Variants in MSRA observed in about 807,000 individuals in gnomAD.
The protein encoded by MSRA is methionine sulfoxide reductase A.
In MSRA, 54 loss-of-function variants were observed where a neutral mutation model predicts 31.3. The ratio of observed to expected loss-of-function variants is 1.73; its 90% CI spans 1.39 to 2.17. MSRA has a LOEUF of 2.17. Ranked by LOEUF, MSRA falls within the 30% of genes most tolerant of loss-of-function variation. The pLI, the probability that MSRA is intolerant of heterozygous loss-of-function variation, is 0.00. For synonymous variants in MSRA, 169 were observed against 116.5 expected (o/e 1.45, Z -2.90); for missense variants, 507 against 300.9 (o/e 1.69, Z -5.07).
At chr8:10,084,458 G>A (rs74901580) in intron 1 of MSRA, among the ~76,000 whole-genome samples, 150 of 152,324 alleles carry the variant, frequency 9.8e-4, no homozygotes, top group African/African-American at 3.4e-3. Flanking sequence ...TCTTAACCAT[G>A]TAAACCTTCG....
chr8:10,061,289 T>C (rs1357433903), intron 1 of MSRA, among the ~76,000 whole-genome samples: 1 of 152,204 alleles, frequency 6.6e-6, no homozygotes, highest in African/African-American at 2.4e-5. Flanking sequence ...TAGTCATTCA[T>C]TAAATGTCTA....
chr8:10,144,469 C>T lies in MSRA; in HGVS notation c.143-63364C>T, dbSNP rs190462261. On this transcript the variant is annotated intron_variant, in intron 1 of 5. Coordinates refer to ENST00000317173, the MANE Select transcript of MSRA (RefSeq NM_012331.5). ...GAAGCGCTTAGACTGGTGACTGGCA[C>T]GCCATCAGTGTTGTATAGGTGTTTG... 4.4e-3 allele frequency among the ~76,000 whole-genome samples: 674 copies of T among 152,268 alleles called. 3 individuals carry two copies. The highest frequency in any genetic ancestry group is 7.2e-3 in the Non-Finnish European group (493 of 68,024).
chr8:10,249,356 G>T (rs1034557563), intron 3 of MSRA, among the ~76,000 whole-genome samples: 4 of 152,104 alleles, frequency 2.6e-5, no homozygotes, highest in Non-Finnish European at 5.9e-5. Context: ...TTAACCTCGG[G>T]CTGAGTTATA....
intron 3 of MSRA, among the ~76,000 whole-genome samples, chr8:10,294,143 G>A (rs1379264459): frequency 1.3e-5 from 2 of 152,210 alleles, no homozygotes; most frequent in Non-Finnish European, 2.9e-5. Context: ...GGAGGTTCCA[G>A]TGAACCGAGA....
intron 5 of MSRA, among the ~76,000 whole-genome samples, chr8:10,397,043 T>C (rs1807139859): frequency 6.6e-6 from 1 of 152,234 alleles, no homozygotes; most frequent in South Asian, 2.1e-4. Context: ...TCTAGACAGC[T>C]TAGAGCAGAG....
chr8:10,348,255 A>G (rs1021530472), intron 5 of MSRA, among the ~76,000 whole-genome samples: 2 of 151,148 alleles, frequency 1.3e-5, no homozygotes, highest in Non-Finnish European at 2.9e-5. Flanking sequence ...TTGTATTTGA[A>G]TCCGTGCTAG....
intron 1 of MSRA, among the ~76,000 whole-genome samples, chr8:10,129,986 A>C (rs980817831): frequency 6.6e-6 from 1 of 152,306 alleles, no homozygotes; most frequent in East Asian, 1.9e-4. Context: ...TTGTATGTGC[A>C]CCTATCCCCA....
chr8:10,293,631 C>T (rs55743011), intron 3 of MSRA, among the ~76,000 whole-genome samples: 42,229 of 152,094 alleles, frequency 0.28, 6,347 homozygotes, highest in African/African-American at 0.36. Flanking sequence ...AAGAAAGGTC[C>T]GACGTGTCTC....
chr8:10,260,257 T>C (rs991755409), intron 3 of MSRA, among the ~76,000 whole-genome samples: 27 of 152,144 alleles, frequency 1.8e-4, no homozygotes, highest in African/African-American at 6.0e-4. Context: ...GGTTGAGGGA[T>C]CTCACATGAC....
chr8:10,232,222 G>A (rs1217314832), intron 2 of MSRA, among the ~76,000 whole-genome samples: 2 of 152,288 alleles, frequency 1.3e-5, no homozygotes, highest in Non-Finnish European at 2.9e-5. Context: ...AGGAACATGC[G>A]GTAACTGCAC....
intron 3 of MSRA, among the ~76,000 whole-genome samples, chr8:10,293,619 C>G (rs989209288): frequency 6.6e-6 from 1 of 152,202 alleles, no homozygotes; most frequent in African/African-American, 2.4e-5. Flanking sequence ...ATCTGGACAG[C>G]GAAGAAAGGT....
At chr8:10,268,560 C>T (rs916171225) in intron 3 of MSRA, among the ~76,000 whole-genome samples, 6 of 152,240 alleles carry the variant, frequency 3.9e-5, no homozygotes, top group African/African-American at 9.6e-5. Context: ...TCTAGACTAG[C>T]GCCTAGCACA....
chr8:10,344,775 T>C (rs1192351810), intron 5 of MSRA, among the ~76,000 whole-genome samples: 1 of 152,008 alleles, frequency 6.6e-6, no homozygotes, highest in Non-Finnish European at 1.5e-5. Flanking sequence ...CTGTGTGAGG[T>C]GGTGTACAAG....
intron 1 of MSRA, among the ~76,000 whole-genome samples, chr8:10,122,586 T>C (rs1249044911): frequency 1.3e-5 from 2 of 152,120 alleles, no homozygotes; most frequent in Admixed American, 1.3e-4. Context: ...GTTTAATGGG[T>C]AAACTTGTGT....
At chr8:10,156,089 C>A (rs1346892146) in intron 1 of MSRA, among the ~76,000 whole-genome samples, 1 of 152,000 alleles carries the variant, frequency 6.6e-6, no homozygotes, top group African/African-American at 2.4e-5. Context: ...AGAGTGGCTT[C>A]GATGCTGCCA....
intron 3 of MSRA, among the ~76,000 whole-genome samples, chr8:10,270,012 T>C (rs770375879): frequency 5.3e-5 from 8 of 152,182 alleles, no homozygotes; most frequent in Non-Finnish European, 1.2e-4. Context: ...GAAGGGTTTG[T>C]TATGAGTGTC....
intron 5 of MSRA, among the ~76,000 whole-genome samples, chr8:10,413,809 G>A (rs1456348569): frequency 6.6e-6 from 1 of 152,158 alleles, no homozygotes; most frequent in African/African-American, 2.4e-5. Flanking sequence ...ATTTAAAATG[G>A]GGGAAAAACG....
intron 1 of MSRA, among the ~76,000 whole-genome samples, chr8:10,163,231 C>T (rs1804820300): frequency 6.6e-6 from 1 of 152,136 alleles, no homozygotes; most frequent in South Asian, 2.1e-4. Flanking sequence ...CATAAGCCAC[C>T]CAGTCTGTGG....
At chr8:10,125,254 T>G (rs2129020270) in intron 1 of MSRA, among the ~76,000 whole-genome samples, 1 of 152,368 alleles carries the variant, frequency 6.6e-6, no homozygotes, top group Admixed American at 6.5e-5. Context: ...CTGCTTCCTC[T>G]GTGTGTAGCC....
Sources: gnomAD v4.1 joint callset for allele counts (sites outside exome capture counted in the v4.1 genomes callset) on GRCh38, gnomAD v4.1.1 for gene constraint, MANE v1.5 for transcripts, NCBI Gene and HGNC (gene_info 2026-07-23, HGNC 2026-07-21) for gene names.